Variants in VPS35 observed in about 807,000 individuals in gnomAD.
VPS35 encodes the protein vacuolar protein sorting-associated protein 35.
VPS35 carries 21 observed loss-of-function variants against 98.1 expected under a neutral mutation model. The observed-to-expected ratio is 0.21, with a 90% confidence interval of 0.15 to 0.31. The LOEUF (loss-of-function observed/expected upper bound fraction) is 0.31, where lower values mean the gene tolerates loss of function less well. Among genes scored for constraint, VPS35 ranks in the 10% least tolerant of loss-of-function variants. VPS35 has a pLI of 1.00. For missense variants in VPS35, 554 were observed against 950.8 expected, an observed-to-expected ratio of 0.58 and a Z score of 5.49; for synonymous variants, 268 against 318.2, an observed-to-expected ratio of 0.84 and a Z score of 1.68.
chr16:46,662,025 T>C (rs1264406645), intron 15 of VPS35, among the ~76,000 whole-genome samples, 164 bp from the exon 16 acceptor site: 1 of 152,234 alleles, frequency 6.6e-6, no homozygotes, highest in Non-Finnish European at 1.5e-5. Context: ...CAGCTGTATT[T>C]TTTTAAAAAC....
chr16:46,674,606 T>C lies in VPS35; in HGVS notation c.969A>G (p.Lys323=). ...CCTGCTGTGAAAATATATCAAAAAGTTTAATATCCGCTGGGATTCCAGGTC... is the reference window on the plus strand; with the variant it reads ...CCTGCTGTGAAAATATATCAAAAAGCTTAATATCCGCTGGGATTCCAGGTC... The part of the protein sequence containing the change: ...EDGPGIPADI[K]LFDIFSQQVA... Residue 323 remains lysine (K), a synonymous_variant, in exon 9 of 17, where the codon AAA becomes AAG. Coordinates refer to ENST00000299138, the MANE Select transcript of VPS35 (RefSeq NM_018206.6). 6.2e-7 allele frequency: 1 copy of C among 1,612,354 alleles called. No individual in the cohort carries two copies. Among genetic ancestry groups the C allele is most frequent in the Non-Finnish European group, 8.5e-7 (1 of 1,179,262 alleles).
At position 46,673,354 on chromosome 16, in the gene VPS35, A is replaced by G. The variant is rs1218390901; in HGVS notation, c.1161-882T>C. On this transcript the variant is annotated intron_variant, in intron 10 of 16. Coordinates refer to ENST00000299138, the MANE Select transcript of VPS35 (RefSeq NM_018206.6). ...ACACACACAAAACCAAAAATGACCA[A>G]AAGAACAAGGGTAACACAAAGGGAG... 5 of 152,336 alleles carry G rather than the reference A, an allele frequency of 3.3e-5. No individual in the cohort carries two copies. The South Asian group carries it at 6.2e-4, about 19-fold the overall frequency. 9.4% of individuals were successfully genotyped at this position (152,336 alleles called of 1,614,324 possible).
At chr16:46,688,346 T>A in intron 1 of VPS35, 12 of 987,030 alleles carry the variant, frequency 1.2e-5, no homozygotes, top group Non-Finnish European at 1.4e-5. Context: ...GATTCACATT[T>A]TGAGGAAGTT....
chr16:46,669,082 T>A lies in VPS35; in HGVS notation c.1525-30A>T, dbSNP rs758178199. 17 of 1,613,186 alleles carry A rather than the reference T, an allele frequency of 1.1e-5. No individual in the cohort carries two copies. In the Admixed American group the frequency reaches 2.0e-4, roughly 19 times the overall value. The stretch of plus-strand genomic sequence containing the variant: ...CCCAAAAGCATTAAAGAAAAAAAAA[T>A]TTCCAAACTCTGATTAATCATTTGT... On this transcript the variant is annotated intron_variant, in intron 12 of 16. Transcript: ENST00000299138.
intron 1 of VPS35, among the ~76,000 whole-genome samples, chr16:46,686,216 CCCT>C (rs1032900818): frequency 2.0e-5 from 3 of 152,086 alleles, no homozygotes; most frequent in African/African-American, 7.2e-5. Flanking sequence ...GCCAGAATTT[CCCT>C]CCTTTTAAAA....
At chr16:46,688,492 C>T (rs1198306352) in intron 1 of VPS35, 1 of 987,480 alleles carries the variant, frequency 1.0e-6, no homozygotes, top group East Asian at 1.1e-4. Context: ...GCGCCCAATG[C>T]ACAAATGCTA....
chr16:46,680,189 T>G (rs1265063688), intron 5 of VPS35, among the ~76,000 whole-genome samples: 1 of 152,196 alleles, frequency 6.6e-6, no homozygotes, highest in African/African-American at 2.4e-5. Context: ...TGTCTCTGAA[T>G]GGCTTTTATT....
chr16:46,687,116 C>T (rs1966328691), intron 1 of VPS35, among the ~76,000 whole-genome samples: 1 of 152,190 alleles, frequency 6.6e-6, no homozygotes, highest in Admixed American at 6.5e-5. Context: ...AAATAATTAT[C>T]TCCACTTATG....
At chr16:46,679,791 A>T (rs1966205397) in intron 5 of VPS35, among the ~76,000 whole-genome samples, 1 of 152,212 alleles carries the variant, frequency 6.6e-6, no homozygotes, top group Non-Finnish European at 1.5e-5. Context: ...GGACACTCAA[A>T]ACATAATAAA....
At chr16:46,678,816 C>A in intron 6 of VPS35, 127 bp downstream of exon 6, 1 of 941,410 alleles carries the variant, frequency 1.1e-6, no homozygotes, top group East Asian at 2.6e-5. Flanking sequence ...CCGTTTAAGT[C>A]TTCTTCAATA....
At chr16:46,660,968 G>A (rs904712960) in intron 16 of VPS35, 13 of 395,812 alleles carry the variant, frequency 3.3e-5, no homozygotes, top group African/African-American at 1.5e-4. Flanking sequence ...CCAACATGGT[G>A]GAACCCCATC....
chr16:46,689,178 T>C lies in VPS35; in HGVS notation c.-45A>G, dbSNP rs767874057. ...CAGCAAGCAGCACCCGCCCCGCGCG[T>C]AGCCTCCCGCGGTCATGTGACGCTG... On this transcript the variant is annotated 5_prime_UTR_variant, in exon 1 of 17. Transcript: ENST00000299138. The C allele has an allele frequency of 5.0e-6, 8 of 1,599,516 alleles. No individual in the cohort carries two copies. Among genetic ancestry groups the C allele is most frequent in the Non-Finnish European group, 6.8e-6 (8 of 1,174,356 alleles).
intron 1 of VPS35, among the ~76,000 whole-genome samples, chr16:46,683,977 C>T (rs1318350212): frequency 6.6e-6 from 1 of 152,180 alleles, no homozygotes; most frequent in Non-Finnish European, 1.5e-5. Flanking sequence ...TCGCCTGCCT[C>T]GACCTCCCAA....
At position 46,659,028 on chromosome 16, in the gene VPS35, T is replaced by C. The variant is rs1407492433; in HGVS notation, c.*1444A>G. 1 of 152,332 alleles carries C rather than the reference T, an allele frequency of 6.6e-6. No individual in the cohort carries two copies. The highest frequency in any genetic ancestry group is 1.9e-4 in the East Asian group (1 of 5,198). The allele number at this position is 152,332 out of a possible 1,614,324, so 9.4% of individuals were successfully genotyped here. A position where few individuals can be genotyped will look rare whatever the true frequency, so the allele number is the denominator to read the frequency against. On this transcript the variant is annotated 3_prime_UTR_variant, in exon 17 of 17. Coordinates refer to ENST00000299138, the MANE Select transcript of VPS35 (RefSeq NM_018206.6). ...ACAGGGAGGCCACTGAAAGGCACTGTGGTTTCCTTCTTGCTTTCATACTCA... is the reference window on the plus strand; with the variant it reads ...ACAGGGAGGCCACTGAAAGGCACTGCGGTTTCCTTCTTGCTTTCATACTCA...
At chr16:46,663,232 A>G in intron 13 of VPS35, 70 bp from the exon 14 acceptor site, 1 of 1,371,774 alleles carries the variant, frequency 7.3e-7, no homozygotes, top group Non-Finnish European at 1.0e-6. Context: ...ATCCATTTTA[A>G]TAGAACAAAA....
At chr16:46,675,544 A>G (rs528650448) in intron 8 of VPS35, among the ~76,000 whole-genome samples, 1 of 152,320 alleles carries the variant, frequency 6.6e-6, no homozygotes, top group East Asian at 1.9e-4. Context: ...AGCTTCCTTT[A>G]AGAGTGGGCC....
At position 46,671,731 on chromosome 16, in the gene VPS35, A is replaced by G; in HGVS notation, c.1498T>C (p.Ser500Pro). ...LVGRFIHLLR[S>P]EDPDQQYLIL... ...AAGTACTGCTGGTCAGGGTCCTCAG[A>G]GCGCAGCAGATGAATGAAGCGGCCC... Residue 500 changes from serine (S) to proline (P), a missense_variant, in exon 12 of 17, where the codon TCT (serine) becomes CCT (proline). Physicochemically the swap from Ser to Pro is moderately conservative, Grantham distance 74. Around this residue, in one of 5 missense-constraint regions of VPS35, gnomAD observed 254 missense variants for 390.1 expected, o/e 0.65. Coordinates refer to ENST00000299138, the MANE Select transcript of VPS35 (RefSeq NM_018206.6). 6.2e-7 allele frequency: 1 copy of G among 1,614,212 alleles called. No homozygotes were observed. The highest frequency in any genetic ancestry group is 2.2e-5 in the East Asian group (1 of 44,884).
In VPS35 at chr16:46,660,640, C is replaced by G; in HGVS notation, c.2223G>C (p.Gln741His). The change falls in exon 17 of 17, where the codon CAG becomes CAC. Residue 741 changes from glutamine (Q) to histidine (H), a missense_variant. Transcript: ENST00000299138. The stretch of plus-strand genomic sequence containing the variant: ...TCTTTTGGATAAGCTGGTTTAAAAC[C>G]TGAATTGTTACCTACAAAAGAATAT... ...YEKENDAVTIQVLNQLIQKIR... is the reference protein window; with the variant it reads ...YEKENDAVTIHVLNQLIQKIR... 1 of 1,613,668 alleles carries G rather than the reference C, an allele frequency of 6.2e-7. No individual in the cohort carries two copies. Among genetic ancestry groups the G allele is most frequent in the Non-Finnish European group, 8.5e-7 (1 of 1,179,934 alleles).
chr16:46,675,958 C>T (rs1404463556), intron 8 of VPS35, among the ~76,000 whole-genome samples: 1 of 146,706 alleles, frequency 6.8e-6, no homozygotes, highest in African/African-American at 2.5e-5. Flanking sequence ...CCAGCTACTC[C>T]GGAGGCTGAG....
Sources: allele counts gnomAD v4.1 joint callset (sites outside exome capture counted in the v4.1 genomes callset), GRCh38; gene constraint gnomAD v4.1.1; regional missense constraint gnomAD v4.1.1; transcripts MANE v1.5; gene names NCBI Gene and HGNC (gene_info 2026-07-23, HGNC 2026-07-21).